The following GMPR variants were observed in gnomAD, a reference collection of about 807,000 sequenced individuals.
GMPR encodes the protein GMP reductase 1.
GMPR carries 31 observed loss-of-function variants against 38.4 expected under a neutral mutation model. That is an observed-to-expected ratio of 0.81 (90% CI 0.61 to 1.09). The LOEUF is 1.09. Ranked by LOEUF, GMPR falls within the 50% of genes least tolerant of loss-of-function variation. The probability of loss-of-function intolerance (pLI) is 0.00; values close to 1 mark genes in which losing one functional copy is unlikely to be tolerated. For synonymous variants in GMPR, 162 were observed against 173.3 expected (o/e 0.93, Z 0.51); for missense variants, 468 against 453.7 (o/e 1.03, Z -0.29).
Position 16,250,295 on chromosome 6 carries a change from T to G in GMPR, c.219T>G (p.Phe73Leu). Residue 73 changes from phenylalanine to leucine, a missense_variant, in exon 3 of 9, where the codon TTT becomes TTG. Transcript: ENST00000259727. ...MAAVMSQHSMFTAIHKHYSLD... is the reference protein window; with the variant it reads ...MAAVMSQHSMLTAIHKHYSLD... ...GTTTTGTTTTCTAGCACTCCATGTT[T>G]ACAGCAATTCATAAGCATTACTCCC... 6.2e-7 allele frequency: 1 copy of G among 1,601,284 alleles called. No individual in the cohort carries two copies. Among genetic ancestry groups the G allele is most frequent in the Non-Finnish European group, 8.6e-7 (1 of 1,168,230 alleles).
intron 4 of GMPR, among the ~76,000 whole-genome samples, chr6:16,266,631 T>G (rs1759242121): frequency 6.6e-6 from 1 of 151,196 alleles, no homozygotes; most frequent in African/African-American, 2.4e-5. Flanking sequence ...TGAAACCCCA[T>G]CTCTACTAAA....
chr6:16,275,132 G>A (rs1390616251), intron 5 of GMPR, among the ~76,000 whole-genome samples: 1 of 152,144 alleles, frequency 6.6e-6, no homozygotes, highest in Admixed American at 6.5e-5. Context: ...GTTACTGTTC[G>A]CTTTCCTTCT....
chr6:16,289,023 C>T (rs183778294), intron 7 of GMPR, among the ~76,000 whole-genome samples: 14 of 152,288 alleles, frequency 9.2e-5, no homozygotes, highest in Admixed American at 3.3e-4. Flanking sequence ...AGCAGGCTGC[C>T]GGAGCCAGCA....
At chr6:16,277,759 TAAG>T (rs1055842349) in intron 5 of GMPR, among the ~76,000 whole-genome samples, 3 of 152,156 alleles carry the variant, frequency 2.0e-5, no homozygotes, top group East Asian at 1.9e-4. Flanking sequence ...CAGTGACATT[TAAG>T]AAGAAGCTGG....
At chr6:16,287,790 C>T (rs777921504) in intron 7 of GMPR, among the ~76,000 whole-genome samples, 9 of 152,166 alleles carry the variant, frequency 5.9e-5, no homozygotes, top group Non-Finnish European at 1.3e-4. Context: ...AGGTTGCTGC[C>T]ACTTAGGAAG....
At chr6:16,259,614 A>G (rs1759043264) in intron 4 of GMPR, among the ~76,000 whole-genome samples, 1 of 151,920 alleles carries the variant, frequency 6.6e-6, no homozygotes, top group African/African-American at 2.4e-5. Context: ...ATTTTGTGGT[A>G]AGGGTTGATA....
intron 6 of GMPR, among the ~76,000 whole-genome samples, chr6:16,280,094 TC>T (rs1277141933): frequency 6.6e-6 from 1 of 152,138 alleles, no homozygotes; most frequent in Non-Finnish European, 1.5e-5. Flanking sequence ...ATGTGCTGGC[TC>T]ACCTGGAAGA....
At chr6:16,248,231 TCAAAAAA>T (rs1758798366) in intron 2 of GMPR, among the ~76,000 whole-genome samples, 1 of 30,854 alleles carries the variant, frequency 3.2e-5, no homozygotes, top group Non-Finnish European at 5.0e-5. Context: ...AGACCCTGTC[TCAAAAAA>T]AAAAAAAAAA....
rs1758782107 is a variant in GMPR, at chr6:16,247,481, T to C, written c.207+520T>C. On this transcript the variant is annotated intron_variant, in intron 2 of 8. Coordinates refer to ENST00000259727, the MANE Select transcript of GMPR (RefSeq NM_006877.4). ...CATTCGCCTCCCTGGTTCAAACAATTCTCCTGCCTCAGCCTCCCAAGTAGC... is the reference window on the plus strand; with the variant it reads ...CATTCGCCTCCCTGGTTCAAACAATCCTCCTGCCTCAGCCTCCCAAGTAGC... Among the ~76,000 whole-genome samples, 7 of 152,014 alleles carry C rather than the reference T, an allele frequency of 4.6e-5. No homozygotes were observed. In the South Asian group the frequency reaches 1.5e-3, roughly 32 times the overall value.
intron 3 of GMPR, among the ~76,000 whole-genome samples, chr6:16,251,039 G>A (rs765333181): frequency 6.6e-6 from 1 of 152,126 alleles, no homozygotes; most frequent in Non-Finnish European, 1.5e-5. Flanking sequence ...TCCATTTCTA[G>A]GTATAGACTC....
intron 4 of GMPR, among the ~76,000 whole-genome samples, chr6:16,259,956 G>C (rs569846370): frequency 1.3e-5 from 2 of 152,238 alleles, no homozygotes; most frequent in East Asian, 3.9e-4. Context: ...TGAGAATGGT[G>C]AATAGGAGTA....
At chr6:16,265,027 G>A (rs1234984941) in intron 4 of GMPR, among the ~76,000 whole-genome samples, 4 of 152,168 alleles carry the variant, frequency 2.6e-5, no homozygotes, top group Admixed American at 6.5e-5. Flanking sequence ...CCATTTGCCT[G>A]GTGGCTTTCA....
chr6:16,277,472 G>A (rs1759492747), intron 5 of GMPR, among the ~76,000 whole-genome samples: 1 of 152,308 alleles, frequency 6.6e-6, no homozygotes, highest in East Asian at 1.9e-4. Context: ...TCCCCAGAGC[G>A]CCCTCTCGTG....
At chr6:16,288,085 G>A (rs1276209016) in intron 7 of GMPR, among the ~76,000 whole-genome samples, 1 of 152,234 alleles carries the variant, frequency 6.6e-6, no homozygotes, top group Non-Finnish European at 1.5e-5. Context: ...AGGCTGTAGT[G>A]AGAGGTGACA....
intron 3 of GMPR, among the ~76,000 whole-genome samples, chr6:16,253,408 C>T (rs1218322623): frequency 6.6e-6 from 1 of 152,132 alleles, no homozygotes; most frequent in Non-Finnish European, 1.5e-5. Context: ...ATAGTGCCAC[C>T]CATTTGCTTT....
chr6:16,268,414 A>C (rs1024283558), intron 4 of GMPR, among the ~76,000 whole-genome samples: 1 of 152,114 alleles, frequency 6.6e-6, no homozygotes, highest in African/African-American at 2.4e-5. Flanking sequence ...TCCCAGGTTC[A>C]AGTGATTCTC....
intron 7 of GMPR, 187 bp from the exon 8 acceptor site, chr6:16,290,275 T>C (rs1036049985): frequency 1.1e-5 from 7 of 655,924 alleles, no homozygotes; most frequent in African/African-American, 3.6e-5. Context: ...CCCATGGCCC[T>C]TTCTCCCTGC....
chr6:16,251,122 A>C (rs1231145312), intron 3 of GMPR, among the ~76,000 whole-genome samples: 1 of 152,242 alleles, frequency 6.6e-6, no homozygotes, highest in Non-Finnish European at 1.5e-5. Context: ...ATAATAGCCC[A>C]AAAGTAGACA....
chr6:16,244,632 C>G lies in GMPR; in HGVS notation c.88-2210C>G, dbSNP rs75101770. Among the ~76,000 whole-genome samples the G allele has an allele frequency of 8.4e-3, 1,276 of 152,166 alleles. 29 individuals are homozygous for G. The highest frequency in any genetic ancestry group is 0.03 in the African/African-American group (1,238 of 41,494). On this transcript the variant is annotated intron_variant, in intron 1 of 8. Coordinates refer to ENST00000259727, the MANE Select transcript of GMPR (RefSeq NM_006877.4). ...GAGGGGACTTTGTTACTTTATGTTC[C>G]CTTTCAGGTCAGGCTTAGACAGGGA...
Sources: allele counts gnomAD v4.1 joint callset (sites outside exome capture counted in the v4.1 genomes callset), GRCh38; gene constraint gnomAD v4.1.1; transcripts MANE v1.5; gene names NCBI Gene and HGNC (gene_info 2026-07-23, HGNC 2026-07-21).